The following NSUN3 variants were observed in gnomAD, a reference collection of about 807,000 sequenced individuals.
NSUN3 encodes the protein tRNA (cytosine(34)-C(5))-methyltransferase, mitochondrial.
NSUN3 carries 24 observed loss-of-function variants against 36.8 expected under a neutral mutation model. The ratio of observed to expected loss-of-function variants is 0.65; its 90% CI spans 0.47 to 0.92. The LOEUF is 0.92. Among genes scored for constraint, NSUN3 ranks in the 40% least tolerant of loss-of-function variants. The pLI is 0.00. For missense variants in NSUN3, 381 were observed against 392.8 expected (o/e 0.97, Z 0.25); for synonymous variants, 146 against 145.2 (o/e 1.01, Z -0.04).
At chr3:94,123,389 G>T (rs2077472379) in intron 5 of NSUN3, among the ~76,000 whole-genome samples, 1 of 152,152 alleles carries the variant, frequency 6.6e-6, no homozygotes, top group Non-Finnish European at 1.5e-5. Context: ...TTTATTTTAT[G>T]AGTTGGCTGC....
chr3:94,103,371 A>G (rs756733987), intron 5 of NSUN3, among the ~76,000 whole-genome samples: 13 of 152,134 alleles, frequency 8.5e-5, no homozygotes, highest in South Asian at 2.1e-4. Context: ...CTTGTTAACA[A>G]TGGAGTACAA....
Position 94,084,217 on chromosome 3 carries a change from C to G in NSUN3, c.233C>G (p.Ser78Cys). ...DLHLKGYHTL[S>C]QGSLPNYPKS... ...CATTTGAAGGGCTATCACACACTCT[C>G]TCAGGGATCTTTACCCAACTATCCT... Residue 78 changes from serine to cysteine, a missense_variant, in exon 3 of 6, where the codon TCT (serine) becomes TGT (cysteine). Physicochemically the swap from Ser to Cys is moderately radical, Grantham distance 112. Transcript: ENST00000314622. The G allele has an allele frequency of 6.2e-7, 1 of 1,614,142 alleles. No individual in the cohort carries two copies. Among genetic ancestry groups the G allele is most frequent in the Non-Finnish European group, 8.5e-7 (1 of 1,180,004 alleles).
intron 5 of NSUN3, among the ~76,000 whole-genome samples, chr3:94,112,470 AGG>A (rs1445564314): frequency 1.3e-5 from 2 of 152,308 alleles, no homozygotes; most frequent in East Asian, 3.9e-4. Flanking sequence ...TCAAAATAAT[AGG>A]GACTTAAATA....
In NSUN3 at chr3:94,127,393, G is replaced by A. The variant is rs1387469238; in HGVS notation, c.*903G>A. 6.6e-6 allele frequency: 1 copy of A among 152,144 alleles called. No homozygotes were observed. The highest frequency in any genetic ancestry group is 1.9e-4 in the East Asian group (1 of 5,198). 9.4% of individuals were successfully genotyped at this position (152,144 alleles called of 1,614,324 possible). ...TTTTTATTTCACTTTGTTATAAAAT[G>A]TTCTCTGAGAATATGATGCCACATA... On this transcript the variant is annotated 3_prime_UTR_variant, in exon 6 of 6. Transcript: ENST00000314622.
intron 5 of NSUN3, among the ~76,000 whole-genome samples, chr3:94,095,862 T>C (rs577577302): frequency 6.6e-6 from 1 of 151,762 alleles, no homozygotes; most frequent in East Asian, 1.9e-4. Flanking sequence ...TTCTCCTGCC[T>C]CAGCCTCCTG....
intron 5 of NSUN3, among the ~76,000 whole-genome samples, chr3:94,123,399 C>A (rs1157783392): frequency 2.0e-5 from 3 of 152,152 alleles, no homozygotes; most frequent in Admixed American, 2.0e-4. Context: ...GAGTTGGCTG[C>A]AAATAGAATT....
intron 1 of NSUN3, 65 bp downstream of exon 1, chr3:94,063,203 G>A: frequency 6.6e-7 from 1 of 1,521,084 alleles, no homozygotes; most frequent in Non-Finnish European, 9.1e-7. Flanking sequence ...CGGCCGAGGT[G>A]GCGAGGGAGG....
chr3:94,093,813 T>A (rs1410554063), intron 3 of NSUN3, among the ~76,000 whole-genome samples: 8 of 152,236 alleles, frequency 5.3e-5, no homozygotes, highest in Non-Finnish European at 1.2e-4. Flanking sequence ...ATTGGTTGTA[T>A]AACATATCTT....
At chr3:94,125,073 T>C (rs2077479923) in intron 5 of NSUN3, among the ~76,000 whole-genome samples, 1 of 152,210 alleles carries the variant, frequency 6.6e-6, no homozygotes, top group South Asian at 2.1e-4. Context: ...GGTAACCATA[T>C]ATTTAGTTTC....
At chr3:94,096,332 A>G (rs1029993189) in intron 5 of NSUN3, among the ~76,000 whole-genome samples, 18 of 152,152 alleles carry the variant, frequency 1.2e-4, no homozygotes, top group Non-Finnish European at 2.5e-4. Flanking sequence ...ATTTGTTTGT[A>G]TACTTCTGAT....
At chr3:94,117,963 G>T (rs1224865659) in intron 5 of NSUN3, among the ~76,000 whole-genome samples, 1 of 152,158 alleles carries the variant, frequency 6.6e-6, no homozygotes, top group African/African-American at 2.4e-5. Context: ...TTCCTCCAAT[G>T]AAGAGAAGTT....
chr3:94,126,186 T>C, intron 5 of NSUN3, 25 bp from the exon 6 acceptor site: 1 of 1,586,172 alleles, frequency 6.3e-7, no homozygotes, highest in Non-Finnish European at 8.6e-7. Flanking sequence ...TAACTAATCT[T>C]TTGCATTTTT....
intron 5 of NSUN3, among the ~76,000 whole-genome samples, chr3:94,116,555 A>G (rs923281621): frequency 1.3e-5 from 2 of 152,176 alleles, no homozygotes; most frequent in African/African-American, 4.8e-5. Context: ...TTAAAAGTTA[A>G]CATTTAAATG....
intron 3 of NSUN3, among the ~76,000 whole-genome samples, chr3:94,091,384 A>G (rs1413813809): frequency 6.6e-6 from 1 of 152,206 alleles, no homozygotes; most frequent in Admixed American, 6.5e-5. Flanking sequence ...AACAATTCTG[A>G]AGGATATGCT....
chr3:94,103,921 G>A (rs2077376153), intron 5 of NSUN3, among the ~76,000 whole-genome samples: 1 of 152,166 alleles, frequency 6.6e-6, no homozygotes. Context: ...TACTCCTAAG[G>A]AAAGAAAGAA....
intron 3 of NSUN3, 128 bp downstream of exon 3, chr3:94,084,578 G>A: frequency 1.5e-6 from 1 of 650,570 alleles, no homozygotes; most frequent in South Asian, 2.7e-5. Context: ...AAACTGAGAT[G>A]CTATGGAGAA....
chr3:94,080,489 T>G (rs1453917761), intron 2 of NSUN3, among the ~76,000 whole-genome samples: 1 of 152,174 alleles, frequency 6.6e-6, no homozygotes, highest in Non-Finnish European at 1.5e-5. Flanking sequence ...GACGTTTAAG[T>G]CGGCTGAAGC....
chr3:94,071,647 A>C (rs975914160), intron 2 of NSUN3, among the ~76,000 whole-genome samples: 4 of 152,160 alleles, frequency 2.6e-5, no homozygotes, highest in Admixed American at 2.0e-4. Flanking sequence ...TCAGTGGTGC[A>C]CTAGCAAATT....
At position 94,126,721 on chromosome 3, in the gene NSUN3, A is replaced by G; in HGVS notation, c.*231A>G. 2.4e-6 allele frequency: 1 copy of G among 421,878 alleles called. No individual in the cohort carries two copies. The highest frequency in any genetic ancestry group is 4.2e-6 in the Non-Finnish European group (1 of 237,888). The allele number at this position is 421,878 out of a possible 1,614,324, so 26.1% of individuals were successfully genotyped here. On this transcript the variant is annotated 3_prime_UTR_variant, in exon 6 of 6. Coordinates refer to ENST00000314622, the MANE Select transcript of NSUN3 (RefSeq NM_022072.5). ...GTGGTGCAGATGGTGTTTGTTCTAT[A>G]TTATAAATCTGCTGTCTTTGCTTGG...
Sources: gnomAD v4.1 joint callset for allele counts (sites outside exome capture counted in the v4.1 genomes callset) on GRCh38, gnomAD v4.1.1 for gene constraint, MANE v1.5 for transcripts, NCBI Gene and HGNC (gene_info 2026-07-23, HGNC 2026-07-21) for gene names.